The following MAST2 variants were observed in gnomAD, a reference collection of about 807,000 sequenced individuals.
MAST2 encodes microtubule-associated serine/threonine-protein kinase 2.
MAST2 carries 70 observed loss-of-function variants against 147.4 expected under a neutral mutation model. The ratio of observed to expected loss-of-function variants is 0.47; its 90% CI spans 0.39 to 0.58. The LOEUF (loss-of-function observed/expected upper bound fraction) is 0.58. Among genes scored for constraint, MAST2 ranks in the 20% least tolerant of loss-of-function variants. The pLI, the probability that MAST2 is intolerant of heterozygous loss-of-function variation, is 0.00. For synonymous variants in MAST2, 869 were observed against 896.8 expected, an observed-to-expected ratio of 0.97 and a Z score of 0.55; for missense variants, 2,080 against 2,302.3, an observed-to-expected ratio of 0.90 and a Z score of 1.98.
At chr1:46,022,552 T>C (rs1646231340) in intron 12 of MAST2, among the ~76,000 whole-genome samples, 1 of 151,424 alleles carries the variant, frequency 6.6e-6, no homozygotes. Flanking sequence ...GGTATCCTGC[T>C]CCTGCCTTCT....
In MAST2 at chr1:45,864,996, G is replaced by A. The variant is rs1228741410; in HGVS notation, c.469-17368G>A. The A allele has an allele frequency of 1.5e-5, 6 of 412,892 alleles. No homozygotes were observed. In the East Asian group the frequency reaches 4.2e-4, roughly 29 times the overall value. The allele number at this position is 412,892 out of a possible 1,614,324, so 25.6% of individuals were successfully genotyped here. On this transcript the variant is annotated intron_variant, in intron 3 of 28. Transcript: ENST00000361297. ...GGGATAACTGGTTTAGTGGAACAGT[G>A]GGTTAGTGGTGTGCTGAAAGGATTG...
chr1:45,956,869 A>G (rs1001498328), intron 4 of MAST2, among the ~76,000 whole-genome samples: 6 of 152,230 alleles, frequency 3.9e-5, no homozygotes, highest in Non-Finnish European at 7.3e-5. Flanking sequence ...ATCTCTTGGC[A>G]TACATACCCA....
intron 6 of MAST2, among the ~76,000 whole-genome samples, chr1:46,001,312 G>T (rs1645265223): frequency 6.6e-6 from 1 of 152,204 alleles, no homozygotes; most frequent in African/African-American, 2.4e-5. Context: ...ATCATGTGGT[G>T]GCATTTCTTC....
rs545172481 is a variant in MAST2 at position 45,872,877 on chromosome 1, T to C, written c.469-9487T>C. On this transcript the variant is annotated intron_variant, in intron 3 of 28. Transcript: ENST00000361297. ...CTGGTTATTTCTCTAGGATTTAGTA[T>C]GTATAACTTTCTTTGTAACTTCAGA... Among the ~76,000 whole-genome samples, 6 of 152,346 alleles carry C rather than the reference T, an allele frequency of 3.9e-5. 1 individual carries two copies. The highest frequency in any genetic ancestry group is 6.8e-3 in the Middle Eastern group (2 of 294).
At position 46,030,120 on chromosome 1, in the gene MAST2, C is replaced by T; in HGVS notation, c.2444-9C>T. 6.2e-7 allele frequency: 1 copy of T among 1,613,750 alleles called. No individual in the cohort carries two copies. The highest frequency in any genetic ancestry group is 8.5e-7 in the Non-Finnish European group (1 of 1,179,616). ...CTCTGAAGGAAAGTGTCCTTTATGT[C>T]TGGCCCAGCCCGCTCAGAGCGATAC... On this transcript the variant is annotated splice_polypyrimidine_tract_variant and intron_variant, in intron 20 of 28. Transcript: ENST00000361297.
chr1:45,942,109 C>T (rs11211231), intron 4 of MAST2, among the ~76,000 whole-genome samples: 151,816 of 152,052 alleles, frequency 1, 75,794 homozygotes, highest in Non-Finnish European at 1. Flanking sequence ...CCAACCATAC[C>T]TTGAGAATCA....
intron 17 of MAST2, 46 bp from the exon 18 acceptor site, chr1:46,028,717 GCCAGT>G: frequency 6.2e-7 from 1 of 1,602,562 alleles, no homozygotes; most frequent in South Asian, 1.1e-5. Flanking sequence ...CGGCTGTCAT[GCCAGT>G]CAGCAGCCTC....
intron 28 of MAST2, 96 bp downstream of exon 28, chr1:46,034,362 C>T: frequency 7.1e-7 from 1 of 1,398,810 alleles, no homozygotes; most frequent in Non-Finnish European, 9.6e-7. Flanking sequence ...CTGAGTCTCT[C>T]ATTTAGCCCA....
chr1:45,967,427 G>C (rs1570977041), intron 5 of MAST2, among the ~76,000 whole-genome samples: 1 of 152,040 alleles, frequency 6.6e-6, no homozygotes. Flanking sequence ...CTGTTGACCA[G>C]AAGCCTTACT....
intron 4 of MAST2, among the ~76,000 whole-genome samples, chr1:45,953,579 A>G (rs1309724260): frequency 6.9e-6 from 1 of 145,974 alleles, no homozygotes; most frequent in Non-Finnish European, 1.5e-5. Context: ...TGGGAAGGTG[A>G]CATTAGAATA....
At position 46,030,615 on chromosome 1, in the gene MAST2, C is replaced by A; in HGVS notation, c.2562C>A (p.Ser854Arg). The A allele has an allele frequency of 6.2e-7, 1 of 1,609,340 alleles. No homozygotes were observed. Among genetic ancestry groups the A allele is most frequent in the Non-Finnish European group, 8.5e-7 (1 of 1,178,610 alleles). ...ATCCCCTGTGCCCACAGGTGTACAG[C>A]AGCATGGAGCGGCTCTCACTGCTCG... The part of the protein sequence containing the change: ...SCSPRFNKVY[S>R]SMERLSLLEE... The change falls in exon 22 of 29, where the codon AGC becomes AGA. Residue 854 changes from serine (S) to arginine (R), a missense_variant. Ser to Arg is a moderately radical substitution (Grantham distance 110, BLOSUM62 -1). This residue lies in a region of MAST2 where 1,278 missense variants were observed against 1,304.2 expected (regional missense o/e 0.98). Coordinates refer to ENST00000361297, the MANE Select transcript of MAST2 (RefSeq NM_015112.3).
chr1:46,017,389 A>G (rs1645996625), intron 10 of MAST2, among the ~76,000 whole-genome samples: 1 of 152,210 alleles, frequency 6.6e-6, no homozygotes, highest in Non-Finnish European at 1.5e-5. Flanking sequence ...GGAACAGGCA[A>G]CCTACAAAAT....
At chr1:45,977,317 G>A (rs1477965183) in intron 5 of MAST2, among the ~76,000 whole-genome samples, 2 of 151,512 alleles carry the variant, frequency 1.3e-5, no homozygotes, top group African/African-American at 4.9e-5. Flanking sequence ...GTGAAACCCG[G>A]TCTCTACTAA....
In MAST2 at chr1:45,837,444, A is replaced by G. The variant is rs556264690; in HGVS notation, c.468+7863A>G. 4.6e-5 allele frequency among the ~76,000 whole-genome samples: 7 copies of G among 152,264 alleles called. No individual in the cohort carries two copies. In the East Asian group the frequency reaches 1.2e-3, roughly 25 times the overall value. ...TTCATCCATGTTGTTTTGAGTATCA[A>G]TAGTTTGTTCCTCTTTATTGCTGAA... is the stretch of plus-strand genomic sequence containing the variant. On this transcript the variant is annotated intron_variant, in intron 3 of 28. Transcript: ENST00000361297.
chr1:45,985,284 A>G (rs1193413872), intron 5 of MAST2, among the ~76,000 whole-genome samples: 2 of 151,562 alleles, frequency 1.3e-5, no homozygotes, highest in East Asian at 1.9e-4. Context: ...AGTAGAGACC[A>G]GGTTTCACCA....
At chr1:45,908,751 C>G (rs974822309) in intron 4 of MAST2, among the ~76,000 whole-genome samples, 2 of 152,176 alleles carry the variant, frequency 1.3e-5, no homozygotes, top group African/African-American at 4.8e-5. Flanking sequence ...TACCTGAACT[C>G]TAGCCCATGC....
intron 5 of MAST2, among the ~76,000 whole-genome samples, chr1:45,966,584 T>C (rs1055927851): frequency 1.3e-5 from 2 of 152,024 alleles, no homozygotes; most frequent in Admixed American, 6.6e-5. Context: ...TAGCCAGACA[T>C]GGTGGTGTGC....
chr1:46,001,112 C>A, intron 6 of MAST2: 2 of 664,848 alleles, frequency 3.0e-6, no homozygotes, highest in Non-Finnish European at 4.7e-6. Context: ...AACATTGGGC[C>A]TTTCATGTCT....
intron 3 of MAST2, among the ~76,000 whole-genome samples, chr1:45,872,061 T>C (rs1345299474): frequency 1.3e-5 from 2 of 152,206 alleles, no homozygotes; most frequent in Non-Finnish European, 2.9e-5. Flanking sequence ...GAAAAGTTAT[T>C]GTCTCCAAAA....
Sources: gnomAD v4.1 joint callset for allele counts (sites outside exome capture counted in the v4.1 genomes callset) on GRCh38, gnomAD v4.1.1 for gene constraint, gnomAD v4.1.1 regional missense constraint, MANE v1.5 for transcripts, NCBI Gene and HGNC (gene_info 2026-07-23, HGNC 2026-07-21) for gene names.